The following GALNT2 variants were observed in gnomAD, a reference collection of about 807,000 sequenced individuals.
The protein encoded by GALNT2 is UDP-GalNAc:polypeptide N-acetylgalactosaminyltransferase 2.
A neutral mutation model predicts 81.4 loss-of-function variants in GALNT2; 31 were observed. The observed-to-expected ratio is 0.38, with a 90% CI of 0.29 to 0.51. GALNT2 has a LOEUF of 0.51. Ranked by LOEUF, GALNT2 falls within the 20% of genes least tolerant of loss-of-function variation. GALNT2 has a pLI of 0.87. For synonymous variants in GALNT2, 303 were observed against 287.4 expected (o/e 1.05, Z -0.55); for missense variants, 629 against 765.7 (o/e 0.82, Z 2.11).
At chr1:230,220,867 CTG>C (rs1247162999) in intron 3 of GALNT2, among the ~76,000 whole-genome samples, 5 of 152,162 alleles carry the variant, frequency 3.3e-5, no homozygotes, top group African/African-American at 7.2e-5. Flanking sequence ...CTGAATTGGT[CTG>C]TGTTTCACCT....
rs987474981 is a variant in GALNT2 at position 230,280,699 on chromosome 1, C to T, written c.*1241C>T. Reference sequence around the variant, plus strand: ...GCTCCAGCCAGGCAGCGAGTCCTGCCCCGCCCGCAGCTCCCTCCCACACCC... The same window carrying T: ...GCTCCAGCCAGGCAGCGAGTCCTGCTCCGCCCGCAGCTCCCTCCCACACCC... On this transcript the variant is annotated 3_prime_UTR_variant, in exon 16 of 16. Coordinates refer to ENST00000366672, the MANE Select transcript of GALNT2 (RefSeq NM_004481.5). 6.5e-6 allele frequency: 1 copy of T among 152,804 alleles called. No homozygotes were observed. Among genetic ancestry groups the T allele is most frequent in the African/African-American group, 2.4e-5 (1 of 41,426 alleles). The allele number at this position is 152,804 out of a possible 1,614,324, so 9.5% of individuals were successfully genotyped here.
intron 9 of GALNT2, 29 bp from the exon 10 acceptor site, chr1:230,250,421 TCTCCTCC>T: frequency 6.4e-7 from 1 of 1,551,962 alleles, no homozygotes; most frequent in Non-Finnish European, 8.9e-7. Flanking sequence ...GACTTTGCCC[TCTCCTCC>T]CTCCCCCCTC....
At chr1:230,103,240 T>C (rs1377020431) in intron 1 of GALNT2, among the ~76,000 whole-genome samples, 2 of 152,190 alleles carry the variant, frequency 1.3e-5, no homozygotes, top group East Asian at 1.9e-4. Flanking sequence ...CAGTCCAAAA[T>C]CCCCGTAATA....
chr1:230,067,105 G>C (rs897718604), upstream of GALNT2: 54 of 168,732 alleles, frequency 3.2e-4, no homozygotes, highest in Non-Finnish European at 4.7e-4. Context: ...CCGGCCCGGG[G>C]CGGAGCTCGG....
intron 1 of GALNT2, among the ~76,000 whole-genome samples, chr1:230,169,422 G>C (rs1298650608): frequency 6.6e-6 from 1 of 152,242 alleles, no homozygotes; most frequent in Non-Finnish European, 1.5e-5. Flanking sequence ...GGATATGCCA[G>C]TGCATTTGCA....
chr1:230,062,232 C>T (rs375809724), intron 1 of GALNT2, among the ~76,000 whole-genome samples: 64 of 152,142 alleles, frequency 4.2e-4, no homozygotes, highest in East Asian at 4.1e-3. Context: ...TTATGCTTTT[C>T]GCCATTTTTT....
intron 1 of GALNT2, among the ~76,000 whole-genome samples, chr1:230,136,972 G>A (rs1197277250): frequency 6.6e-6 from 1 of 152,224 alleles, no homozygotes; most frequent in African/African-American, 2.4e-5. Context: ...CAGGCCCTGC[G>A]TGGTTGGGGG....
intron 15 of GALNT2, among the ~76,000 whole-genome samples, chr1:230,274,831 A>G (rs943562135): frequency 1.3e-5 from 2 of 152,100 alleles, no homozygotes; most frequent in Non-Finnish European, 2.9e-5. Context: ...TTATTCATCA[A>G]ATACTTTTTT....
chr1:230,188,230 G>C (rs527878526), intron 2 of GALNT2, among the ~76,000 whole-genome samples: 81 of 152,272 alleles, frequency 5.3e-4, no homozygotes, highest in Non-Finnish European at 1.0e-3. Context: ...TACCACTCTT[G>C]GGGCTGCCGT....
chr1:230,246,389 A>C (rs1318766587), intron 8 of GALNT2, among the ~76,000 whole-genome samples: 2 of 152,114 alleles, frequency 1.3e-5, no homozygotes, highest in Non-Finnish European at 2.9e-5. Context: ...ACCTTCTGTC[A>C]CTTTTGCGAG....
At chr1:230,247,863 AATAAG>A (rs1391059261) in intron 8 of GALNT2, among the ~76,000 whole-genome samples, 1 of 152,178 alleles carries the variant, frequency 6.6e-6, no homozygotes, top group Non-Finnish European at 1.5e-5. Context: ...TAAAATAAAT[AATAAG>A]ATAATAGTAA....
At chr1:230,259,712 G>A (rs1665821255) in intron 11 of GALNT2, 1 of 152,176 alleles carries the variant, frequency 6.6e-6, no homozygotes, top group African/African-American at 2.4e-5. Context: ...TGCATGGATG[G>A]GTCCACAGGA....
Position 230,110,447 on chromosome 1 carries a change from C to T in GALNT2, c.126+43041C>T, listed in dbSNP as rs535399102. Among the ~76,000 whole-genome samples, 4 of 152,318 alleles carry T rather than the reference C, an allele frequency of 2.6e-5. No individual in the cohort carries two copies. The South Asian group carries it at 8.3e-4, about 32-fold the overall frequency. On this transcript the variant is annotated intron_variant, in intron 1 of 15. Transcript: ENST00000366672. ...AGGGCGTGGGGTGGCTCAAGCATGG[C>T]CGCTTGGGGTTGGGTCCTAGTGCTG...
rs1665909821 is a variant in GALNT2 at position 230,262,559 on chromosome 1, T to G, written c.1137-14T>G. The G allele has an allele frequency of 6.2e-7, 1 of 1,608,190 alleles. No homozygotes were observed. Among genetic ancestry groups the G allele is most frequent in the Admixed American group, 1.7e-5 (1 of 59,904 alleles). On this transcript the variant is annotated splice_polypyrimidine_tract_variant and intron_variant, in intron 11 of 15. Transcript: ENST00000366672. ...AGAAAGGAAATCACACCTCAAGATT[T>G]ATTTTCTTTCTAGAAACACCCGCCG...
intron 10 of GALNT2, among the ~76,000 whole-genome samples, chr1:230,253,224 A>G (rs1469150869): frequency 6.6e-6 from 1 of 152,214 alleles, no homozygotes; most frequent in Non-Finnish European, 1.5e-5. Flanking sequence ...ATGTGATTGT[A>G]ACCATACATT....
intron 1 of GALNT2, among the ~76,000 whole-genome samples, chr1:230,071,968 C>T (rs1027886228): frequency 1.3e-5 from 2 of 152,158 alleles, no homozygotes; most frequent in Non-Finnish European, 2.9e-5. Flanking sequence ...AACTGCTTTA[C>T]CCAGCACTGA....
chr1:230,147,878 T>C (rs1661971621), intron 1 of GALNT2, among the ~76,000 whole-genome samples: 1 of 152,234 alleles, frequency 6.6e-6, no homozygotes, highest in African/African-American at 2.4e-5. Flanking sequence ...TAGCTGCTAT[T>C]TCTAAGCATG....
In GALNT2 at chr1:230,274,428, C is replaced by T; in HGVS notation, c.1441-17C>T. Reference sequence around the variant, plus strand: ...CCGGTGCATAGCACGCCTCTGACTTCTGGTTTTGTGTTCCAGGAATGGGCC... The same window carrying T: ...CCGGTGCATAGCACGCCTCTGACTTTTGGTTTTGTGTTCCAGGAATGGGCC... On this transcript the variant is annotated splice_polypyrimidine_tract_variant and intron_variant, in intron 14 of 15. Transcript: ENST00000366672. 6.2e-7 allele frequency: 1 copy of T among 1,612,758 alleles called. No individual in the cohort carries two copies. The highest frequency in any genetic ancestry group is 8.5e-7 in the Non-Finnish European group (1 of 1,179,334).
Position 230,279,284 on chromosome 1 carries a change from A to G in GALNT2, c.1561-19A>G. The G allele has an allele frequency of 6.2e-7, 1 of 1,609,384 alleles. No individual in the cohort carries two copies. The highest frequency in any genetic ancestry group is 1.1e-5 in the South Asian group (1 of 90,618). On this transcript the variant is annotated intron_variant, in intron 15 of 15. Coordinates refer to ENST00000366672, the MANE Select transcript of GALNT2 (RefSeq NM_004481.5). This position sits in a 1 kb window ranked among gnomAD's most constrained non-coding sequence, Gnocchi z 4.6. The stretch of plus-strand genomic sequence containing the variant: ...TTTGCTTGTGCCCACACTCTAAGGC[A>G]CTCTCCTGTGTCTTGCAGAAATGGG...
Sources: gnomAD v4.1 joint callset for allele counts (sites outside exome capture counted in the v4.1 genomes callset) on GRCh38, gnomAD v4.1.1 for gene constraint, Gnocchi (gnomAD v3.1) non-coding constraint, MANE v1.5 for transcripts, NCBI Gene and HGNC (gene_info 2026-07-23, HGNC 2026-07-21) for gene names.